The following RANBP2 variants were observed in gnomAD, a reference collection of about 807,000 sequenced individuals.
RANBP2 encodes E3 SUMO-protein ligase RanBP2.
In RANBP2, 57 loss-of-function variants were observed where a neutral mutation model predicts 303.6. That is an observed-to-expected ratio of 0.19 (90% CI 0.15 to 0.23). The LOEUF (loss-of-function observed/expected upper bound fraction) is 0.23, where lower values mean the gene tolerates loss of function less well. Ranked by LOEUF, RANBP2 falls within the 10% of genes least tolerant of loss-of-function variation. The pLI is 1.00. For synonymous variants in RANBP2, 1,167 were observed against 1,301.5 expected (o/e 0.90, Z 2.23); for missense variants, 3,138 against 3,780.8 (o/e 0.83, Z 4.46).
Position 108,729,754 on chromosome 2 carries a change from T to A in RANBP2, c.140+555T>A, listed in dbSNP as rs905291664. ...TTTTTTAGGCAGTATCTGTCTCTCT[T>A]GCTCAGGCTGGAGTGCAGCAGCTGG... On this transcript the variant is annotated intron_variant, in intron 2 of 28. Transcript: ENST00000283195. Among the ~76,000 whole-genome samples, 11 of 151,114 alleles carry A rather than the reference T, an allele frequency of 7.3e-5. No individual in the cohort carries two copies. The East Asian group carries it at 2.1e-3, about 29-fold the overall frequency.
the RANBP2 span, among the ~76,000 whole-genome samples, chr2:108,971,272 T>C: frequency 6.6e-6 from 1 of 152,142 alleles, no homozygotes; most frequent in East Asian, 1.9e-4. Flanking sequence ...ATCTAGAAAC[T>C]GGCTCTGAGG....
the RANBP2 span, among the ~76,000 whole-genome samples, chr2:109,225,843 G>A: frequency 6.6e-6 from 1 of 152,222 alleles, no homozygotes; most frequent in Admixed American, 6.5e-5. Flanking sequence ...CCGGCTCACT[G>A]TAGCCTTGAC....
At chr2:108,977,518 C>T in the RANBP2 span, among the ~76,000 whole-genome samples, 1 of 152,184 alleles carries the variant, frequency 6.6e-6, no homozygotes, top group Non-Finnish European at 1.5e-5. Context: ...GATCCGCCAG[C>T]CTCGGCCTCC....
At chr2:109,180,119 T>TG in the RANBP2 span, among the ~76,000 whole-genome samples, 1 of 135,908 alleles carries the variant, frequency 7.4e-6, no homozygotes, top group African/African-American at 3.2e-5. Context: ...ACAGGAGAAG[T>TG]TTTTTTTTTT....
At chr2:109,182,029 A>G in the RANBP2 span, among the ~76,000 whole-genome samples, 1 of 152,204 alleles carries the variant, frequency 6.6e-6, no homozygotes, top group African/African-American at 2.4e-5. Flanking sequence ...CAAAAAAATT[A>G]TCTATGTGAT....
chr2:108,991,532 A>G, the RANBP2 span, among the ~76,000 whole-genome samples: 6 of 152,358 alleles, frequency 3.9e-5, no homozygotes, highest in Admixed American at 1.3e-4. Context: ...TTTAGAACAC[A>G]TGCTTGCTAC....
the RANBP2 span, among the ~76,000 whole-genome samples, chr2:108,977,330 G>A: frequency 3.3e-5 from 5 of 152,124 alleles, no homozygotes; most frequent in African/African-American, 9.7e-5. Context: ...ATGCAGTGGC[G>A]CGATCTCGGC....
the RANBP2 span, among the ~76,000 whole-genome samples, chr2:109,657,288 A>T: frequency 6.6e-6 from 1 of 152,062 alleles, no homozygotes; most frequent in Admixed American, 6.6e-5. Context: ...TCTACAAAAA[A>T]ATACAAAAAA....
At chr2:109,537,672 G>A in the RANBP2 span, among the ~76,000 whole-genome samples, 1 of 152,094 alleles carries the variant, frequency 6.6e-6, no homozygotes, top group Non-Finnish European at 1.5e-5. Flanking sequence ...ACAGCTGGGT[G>A]CGGTGGCTCA....
chr2:108,782,372 C>T lies in RANBP2; in HGVS notation c.9005C>T (p.Ala3002Val). The T allele has an allele frequency of 6.2e-7, 1 of 1,614,038 alleles. No homozygotes were observed. Among genetic ancestry groups the T allele is most frequent in the African/African-American group, 1.3e-5 (1 of 75,062 alleles). ...AAGCCCTTAAATGTTTCAAATAATG[C>T]TTTAGTTTGGACTGCCTCAGATTAT... ...ELKPLNVSNN[A>V]LVWTASDYAD... The change falls in exon 27 of 29, where the codon GCT (alanine) becomes GTT (valine). Residue 3002 changes from alanine (A) to valine (V), a missense_variant. Coordinates refer to ENST00000283195, the MANE Select transcript of RANBP2 (RefSeq NM_006267.5).
At chr2:109,766,823 C>G in the RANBP2 span, among the ~76,000 whole-genome samples, 2 of 149,882 alleles carry the variant, frequency 1.3e-5, no homozygotes, top group Non-Finnish European at 2.9e-5. Flanking sequence ...GGGAATAAAG[C>G]CTTGGTGGCA....
At chr2:109,284,131 A>G in the RANBP2 span, among the ~76,000 whole-genome samples, 1 of 152,080 alleles carries the variant, frequency 6.6e-6, no homozygotes, top group Admixed American at 6.5e-5. Flanking sequence ...CACATCCCTC[A>G]GGTACTCAGC....
intron 1 of RANBP2, among the ~76,000 whole-genome samples, chr2:108,722,311 G>T (rs1175974650): frequency 6.6e-6 from 1 of 152,140 alleles, no homozygotes; most frequent in Non-Finnish European, 1.5e-5. Context: ...GATTTCAGCG[G>T]AATATGGATT....
At chr2:108,895,376 T>G in the RANBP2 span, 2 of 152,494 alleles carry the variant, frequency 1.3e-5, no homozygotes, top group African/African-American at 4.8e-5. Flanking sequence ...CATCAGGGAG[T>G]TCAGCAGTGA....
At chr2:109,345,488 T>C in the RANBP2 span, among the ~76,000 whole-genome samples, 1 of 152,110 alleles carries the variant, frequency 6.6e-6, no homozygotes, top group Non-Finnish European at 1.5e-5. Flanking sequence ...ATAACACGGC[T>C]TTTAAGCCTC....
chr2:108,755,417 G>T (rs1676231048), intron 17 of RANBP2, among the ~76,000 whole-genome samples, 158 bp downstream of exon 17: 1 of 150,764 alleles, frequency 6.6e-6, no homozygotes, highest in Non-Finnish European at 1.5e-5. Context: ...TTAAGACAGG[G>T]TCTTGTTCTG....
At chr2:109,215,207 C>T in the RANBP2 span, among the ~76,000 whole-genome samples, 1 of 152,208 alleles carries the variant, frequency 6.6e-6, no homozygotes, top group African/African-American at 2.4e-5. Context: ...GTAACCTCCC[C>T]TCATGGTCCC....
At chr2:108,734,764 AT>A (rs1695437732) in intron 4 of RANBP2, among the ~76,000 whole-genome samples, 1 of 151,990 alleles carries the variant, frequency 6.6e-6, no homozygotes, top group South Asian at 2.1e-4. Context: ...CAAAATACAG[AT>A]TTTGAAGACC....
the RANBP2 span, among the ~76,000 whole-genome samples, chr2:109,335,517 G>A: frequency 6.6e-6 from 1 of 152,132 alleles, no homozygotes; most frequent in Non-Finnish European, 1.5e-5. Flanking sequence ...TTACCTTCTC[G>A]ATGATGACGT....
Sources: allele counts gnomAD v4.1 joint callset (sites outside exome capture counted in the v4.1 genomes callset), GRCh38; gene constraint gnomAD v4.1.1; transcripts MANE v1.5; gene names NCBI Gene and HGNC (gene_info 2026-07-23, HGNC 2026-07-21).